DTNBP1: variants seen among roughly 807,000 people sequenced by gnomAD.
DTNBP1 encodes the protein dystrobrevin binding protein 1, also known as dysbindin.
DTNBP1 carries 35 observed loss-of-function variants against 42.8 expected under a neutral mutation model. That is an observed-to-expected ratio of 0.82 (90% CI 0.63 to 1.09). The LOEUF is 1.09. Among genes scored for constraint, DTNBP1 ranks in the 50% least tolerant of loss-of-function variants. The pLI is 0.00. For missense variants in DTNBP1, 457 were observed against 424.2 expected (o/e 1.08, Z -0.68); for synonymous variants, 171 against 162.2 (o/e 1.05, Z -0.41).
intron 4 of DTNBP1, among the ~76,000 whole-genome samples, chr6:15,630,540 G>A (rs747133526): frequency 2.0e-5 from 3 of 152,146 alleles, no homozygotes; most frequent in Non-Finnish European, 2.9e-5. Flanking sequence ...TGCCCTCAGA[G>A]TTTAAGCCCT....
intron 7 of DTNBP1, among the ~76,000 whole-genome samples, chr6:15,588,231 A>G (rs961092779): frequency 2.0e-5 from 3 of 152,192 alleles, no homozygotes; most frequent in African/African-American, 7.2e-5. Flanking sequence ...CCATTCTAGC[A>G]ATGGCTGAAT....
At chr6:15,542,579 A>G (rs1362934800) in intron 7 of DTNBP1, among the ~76,000 whole-genome samples, 2 of 151,810 alleles carry the variant, frequency 1.3e-5, no homozygotes, top group Non-Finnish European at 2.9e-5. Context: ...ACATTGTTTG[A>G]CAGGATGGTC....
At chr6:15,523,561 TC>T (rs1398328036) in intron 9 of DTNBP1, 5 of 1,183,838 alleles carry the variant, frequency 4.2e-6, no homozygotes, top group Non-Finnish European at 5.3e-6. Flanking sequence ...AATCTAGATT[TC>T]TTTTTTTTTT....
chr6:15,530,248 G>A (rs1365436060), intron 8 of DTNBP1, among the ~76,000 whole-genome samples: 1 of 152,220 alleles, frequency 6.6e-6, no homozygotes, highest in African/African-American at 2.4e-5. Flanking sequence ...TCATCAGGCT[G>A]GGAAGTCTGA....
chr6:15,617,379 T>A (rs1758773453), intron 5 of DTNBP1, among the ~76,000 whole-genome samples: 1 of 151,460 alleles, frequency 6.6e-6, no homozygotes, highest in Non-Finnish European at 1.5e-5. Context: ...ATTCTAAAAC[T>A]CATATGGAAT....
chr6:15,584,453 T>G (rs1195528516), intron 7 of DTNBP1, among the ~76,000 whole-genome samples: 1 of 152,038 alleles, frequency 6.6e-6, no homozygotes, highest in Non-Finnish European at 1.5e-5. Context: ...TAATAATGAA[T>G]AAGAATGTGG....
intron 6 of DTNBP1, among the ~76,000 whole-genome samples, chr6:15,597,666 T>C (rs1776567798): frequency 6.6e-6 from 1 of 152,160 alleles, no homozygotes; most frequent in Admixed American, 6.5e-5. Flanking sequence ...GTGGTTCTGT[T>C]CATACAGGTA....
At chr6:15,552,453 C>T (rs1774268273) in intron 7 of DTNBP1, among the ~76,000 whole-genome samples, 1 of 152,138 alleles carries the variant, frequency 6.6e-6, no homozygotes, top group Non-Finnish European at 1.5e-5. Context: ...AGGTTTAACA[C>T]ATCCAAGATA....
At position 15,531,917 on chromosome 6, in the gene DTNBP1, C is replaced by A. The variant is rs529306972; in HGVS notation, c.667+1323G>T. Among the ~76,000 whole-genome samples, 239 of 152,372 alleles carry A rather than the reference C, an allele frequency of 1.6e-3. 1 individual carries two copies. The highest frequency in any genetic ancestry group is 2.9e-3 in the Non-Finnish European group (197 of 68,048). Reference sequence around the variant, plus strand: ...AAAGTGCTGGGATTATAGGCGTATGCCACTGCGCCTGGCCTCATTCTCGGA... The same window carrying A: ...AAAGTGCTGGGATTATAGGCGTATGACACTGCGCCTGGCCTCATTCTCGGA... On this transcript the variant is annotated intron_variant, in intron 8 of 9. Transcript: ENST00000344537.
At chr6:15,648,332 A>G (rs990473164) in intron 3 of DTNBP1, among the ~76,000 whole-genome samples, 5 of 152,062 alleles carry the variant, frequency 3.3e-5, no homozygotes, top group Admixed American at 6.5e-5. Context: ...GATCAAGACA[A>G]GGAACAAGAC....
intron 3 of DTNBP1, among the ~76,000 whole-genome samples, chr6:15,646,582 C>T (rs1237592890): frequency 6.6e-6 from 1 of 151,734 alleles, no homozygotes; most frequent in Non-Finnish European, 1.5e-5. Flanking sequence ...GCAAAAAGAA[C>T]AAATCTAGAA....
intron 7 of DTNBP1, among the ~76,000 whole-genome samples, chr6:15,557,339 G>A (rs796797177): frequency 5.9e-5 from 9 of 151,302 alleles, no homozygotes; most frequent in African/African-American, 1.9e-4. Context: ...AATTGTGAAA[G>A]GTTTGTGAAA....
At chr6:15,534,342 C>T (rs9383063) in intron 7 of DTNBP1, among the ~76,000 whole-genome samples, 122,854 of 152,154 alleles carry the variant, frequency 0.81, 50,005 homozygotes, top group East Asian at 1. Flanking sequence ...TTTATGTGTA[C>T]TTTACCACAG....
At chr6:15,656,016 G>C (rs868368835) in intron 1 of DTNBP1, among the ~76,000 whole-genome samples, 8 of 152,154 alleles carry the variant, frequency 5.3e-5, no homozygotes, top group Middle Eastern at 3.2e-3. Flanking sequence ...TAAAATGGTA[G>C]TATTATACTC....
chr6:15,540,766 C>G (rs183001675), intron 7 of DTNBP1, among the ~76,000 whole-genome samples: 5 of 152,016 alleles, frequency 3.3e-5, no homozygotes, highest in African/African-American at 1.2e-4. Context: ...CTCAGCCTCC[C>G]GAGTAGCTGG....
At chr6:15,628,063 A>T (rs1759457200) in intron 4 of DTNBP1, among the ~76,000 whole-genome samples, 1 of 152,208 alleles carries the variant, frequency 6.6e-6, no homozygotes, top group South Asian at 2.1e-4. Flanking sequence ...GCAGATGTAA[A>T]GGGTTCCTAA....
rs2113702060 is a variant in DTNBP1 at position 15,615,279 on chromosome 6, T to G, written c.476A>C (p.Lys159Thr). ...HMQSQQLENYKKNKRKELETF... is the reference protein window; with the variant it reads ...HMQSQQLENYTKNKRKELETF... ...TTTTCAAACTCACCTCTTATTTTTC[T>G]TGTAATTCTCCAGTTGCTGGGACTG... The change falls in exon 6 of 10, where the codon AAG becomes ACG. Residue 159 changes from lysine to threonine, a missense_variant. Physicochemically the swap from Lys to Thr is moderately conservative, Grantham distance 78 (BLOSUM62 -1). Transcript: ENST00000344537. 1.1e-5 allele frequency: 17 copies of G among 1,614,194 alleles called. No homozygotes were observed. The highest frequency in any genetic ancestry group is 1.4e-5 in the Non-Finnish European group (16 of 1,180,028).
Position 15,546,142 on chromosome 6 carries a change from C to T in DTNBP1, c.512-12747G>A, listed in dbSNP as rs538319179. ...GTGCAATGGTGCGATCTCGGCTCAC[C>T]GCAACCTCCGCCTCCAGGGTTCAAG... On this transcript the variant is annotated intron_variant, in intron 7 of 9. Transcript: ENST00000344537. The T allele has an allele frequency of 2.1e-4, 78 of 369,896 alleles. 1 individual carries two copies. The highest frequency in any genetic ancestry group is 8.7e-5 in the African/African-American group (4 of 46,192). The allele number at this position is 369,896 out of a possible 1,614,324, so 22.9% of individuals were successfully genotyped here.
chr6:15,600,807 G>C (rs1159927054), intron 6 of DTNBP1, among the ~76,000 whole-genome samples: 2 of 152,192 alleles, frequency 1.3e-5, no homozygotes, highest in African/African-American at 2.4e-5. Context: ...AACAGAAAAA[G>C]GTCAGGTTTT....
Sources: allele counts gnomAD v4.1 joint callset (sites outside exome capture counted in the v4.1 genomes callset), GRCh38; gene constraint gnomAD v4.1.1; transcripts MANE v1.5; gene names NCBI Gene and HGNC (gene_info 2026-07-23, HGNC 2026-07-21).